GPR39: variants seen among roughly 807,000 people sequenced by gnomAD.
GPR39 encodes the protein zinc sensing receptor.
GPR39 carries 23 observed loss-of-function variants against 18.4 expected under a neutral mutation model. The observed-to-expected ratio is 1.25, with a 90% CI of 0.90 to 1.77. The LOEUF (loss-of-function observed/expected upper bound fraction) is 1.77, where lower values mean the gene tolerates loss of function less well. Ranked by LOEUF, GPR39 falls within the 40% of genes most tolerant of loss-of-function variation. The pLI, the probability that GPR39 is intolerant of heterozygous loss-of-function variation, is 0.00. For synonymous variants in GPR39, 280 were observed against 257.9 expected, an observed-to-expected ratio of 1.09 and a Z score of -0.82; for missense variants, 647 against 602.4, an observed-to-expected ratio of 1.07 and a Z score of -0.78.
chr2:132,619,223 G>T (rs1052919616), intron 1 of GPR39, among the ~76,000 whole-genome samples: 1 of 152,208 alleles, frequency 6.6e-6, no homozygotes, highest in Non-Finnish European at 1.5e-5. Flanking sequence ...ATTTGCTGTG[G>T]AATCAGGCTA....
chr2:132,637,665 G>A (rs1397558184), intron 1 of GPR39, among the ~76,000 whole-genome samples: 1 of 152,240 alleles, frequency 6.6e-6, no homozygotes, highest in Admixed American at 6.5e-5. Flanking sequence ...TGATTGCAAA[G>A]TTTCCAAGAA....
At chr2:132,517,735 T>G (rs1679358518) in intron 1 of GPR39, among the ~76,000 whole-genome samples, 1 of 152,252 alleles carries the variant, frequency 6.6e-6, no homozygotes, top group African/African-American at 2.4e-5. Context: ...TTTTAACCAT[T>G]GAAAGAATTG....
chr2:132,631,241 G>A (rs1220026279), intron 1 of GPR39, among the ~76,000 whole-genome samples: 1 of 152,162 alleles, frequency 6.6e-6, no homozygotes, highest in Non-Finnish European at 1.5e-5. Context: ...TGCTTACTAC[G>A]TACAACAATG....
intron 1 of GPR39, among the ~76,000 whole-genome samples, chr2:132,549,100 T>G (rs988808451): frequency 6.6e-6 from 1 of 152,194 alleles, no homozygotes; most frequent in African/African-American, 2.4e-5. Context: ...TAACATACCT[T>G]CATATCCTAG....
chr2:132,566,754 G>T (rs1266188425), intron 1 of GPR39, among the ~76,000 whole-genome samples: 1 of 152,202 alleles, frequency 6.6e-6, no homozygotes, highest in African/African-American at 2.4e-5. Flanking sequence ...CCGGCTTCAC[G>T]CACTGTGGTA....
At chr2:132,435,588 G>A (rs1281723220) in intron 1 of GPR39, among the ~76,000 whole-genome samples, 5 of 152,166 alleles carry the variant, frequency 3.3e-5, no homozygotes, top group Non-Finnish European at 7.3e-5. Context: ...GGAAGGGTGT[G>A]TTAGACCCTG....
At chr2:132,605,172 A>G (rs947809846) in intron 1 of GPR39, among the ~76,000 whole-genome samples, 10 of 152,230 alleles carry the variant, frequency 6.6e-5, no homozygotes, top group African/African-American at 2.4e-4. Context: ...CCCTGTGCCT[A>G]TCACCGTTAG....
chr2:132,642,995 AGGAGCAGGAACTTAAGATGAATTT>A, intron 1 of GPR39, among the ~76,000 whole-genome samples: 1 of 152,348 alleles, frequency 6.6e-6, no homozygotes, highest in African/African-American at 2.4e-5. Flanking sequence ...GATGCAAACA[AGGAGCAGGAACTTAAGATGAATTT>A]GGAATAGCAC....
At chr2:132,534,129 C>T (rs1025796127) in intron 1 of GPR39, among the ~76,000 whole-genome samples, 1 of 152,266 alleles carries the variant, frequency 6.6e-6, no homozygotes, top group South Asian at 2.1e-4. Flanking sequence ...CTATAATGAA[C>T]TCAAACAAAT....
intron 1 of GPR39, among the ~76,000 whole-genome samples, chr2:132,553,377 G>T (rs1573663253): frequency 7.4e-6 from 1 of 134,654 alleles, no homozygotes; most frequent in Non-Finnish European, 1.6e-5. Flanking sequence ...GTATATATGT[G>T]TGTATATATA....
chr2:132,556,150 C>T (rs190813212), intron 1 of GPR39, among the ~76,000 whole-genome samples: 9 of 152,266 alleles, frequency 5.9e-5, no homozygotes, highest in African/African-American at 9.6e-5. Flanking sequence ...ACATCCTTGG[C>T]CTCTTATAGC....
chr2:132,456,239 T>C (rs140742415), intron 1 of GPR39, among the ~76,000 whole-genome samples: 32,114 of 151,964 alleles, frequency 0.21, 3,729 homozygotes, highest in Middle Eastern at 0.36. Flanking sequence ...AATGGCCTTC[T>C]TTGTCTCTTT....
intron 1 of GPR39, among the ~76,000 whole-genome samples, chr2:132,457,221 C>A (rs1204655216): frequency 1.3e-5 from 2 of 152,124 alleles, no homozygotes; most frequent in African/African-American, 4.8e-5. Flanking sequence ...CACTTTATTT[C>A]ATTAATTTGA....
intron 1 of GPR39, among the ~76,000 whole-genome samples, chr2:132,605,098 T>G (rs1573693792): frequency 6.6e-6 from 1 of 152,286 alleles, no homozygotes; most frequent in East Asian, 1.9e-4. Context: ...GAAAGAAACA[T>G]TCCCAAGGTC....
intron 1 of GPR39, among the ~76,000 whole-genome samples, chr2:132,639,685 C>T (rs771568785): frequency 8.6e-5 from 13 of 152,008 alleles, no homozygotes; most frequent in Non-Finnish European, 1.6e-4. Flanking sequence ...CAAGTCATGA[C>T]CTGAAGTAAT....
At chr2:132,585,796 G>C (rs561065361) in intron 1 of GPR39, among the ~76,000 whole-genome samples, 1 of 152,012 alleles carries the variant, frequency 6.6e-6, no homozygotes, top group South Asian at 2.1e-4. Context: ...AACGCATTTC[G>C]GGGCGTGATC....
At chr2:132,582,349 C>T (rs966309407) in intron 1 of GPR39, among the ~76,000 whole-genome samples, 1 of 152,200 alleles carries the variant, frequency 6.6e-6, no homozygotes, top group African/African-American at 2.4e-5. Context: ...TTCATGATTA[C>T]ATGGGGGAAG....
At chr2:132,639,743 C>A (rs1646559659) in intron 1 of GPR39, among the ~76,000 whole-genome samples, 1 of 152,122 alleles carries the variant, frequency 6.6e-6, no homozygotes, top group Non-Finnish European at 1.5e-5. Flanking sequence ...ACTTTACCTT[C>A]CTTTGAGCAG....
At chr2:132,489,535 T>C (rs1681416420) in intron 1 of GPR39, among the ~76,000 whole-genome samples, 1 of 152,010 alleles carries the variant, frequency 6.6e-6, no homozygotes, top group Non-Finnish European at 1.5e-5. Context: ...GATGAGCCTT[T>C]AGAGTACTCT....
Sources: allele counts gnomAD v4.1 joint callset (sites outside exome capture counted in the v4.1 genomes callset), GRCh38; gene constraint gnomAD v4.1.1; transcripts MANE v1.5; gene names NCBI Gene and HGNC (gene_info 2026-07-23, HGNC 2026-07-21).